Variants in MYO18B observed in about 807,000 individuals in gnomAD.
The protein encoded by MYO18B is unconventional myosin-XVIIIb.
MYO18B carries 204 observed loss-of-function variants against 273.0 expected under a neutral mutation model. That is an observed-to-expected ratio of 0.75 (90% CI 0.67 to 0.84). The LOEUF is 0.84. Ranked by LOEUF, MYO18B falls within the 40% of genes least tolerant of loss-of-function variation. The pLI is 0.00. For synonymous variants in MYO18B, 1,330 were observed against 1,305.7 expected, an observed-to-expected ratio of 1.02 and a Z score of -0.40; for missense variants, 3,212 against 3,287.6, an observed-to-expected ratio of 0.98 and a Z score of 0.56.
intron 42 of MYO18B, among the ~76,000 whole-genome samples, chr22:26,017,079 G>C (rs1279269658): frequency 1.2e-5 from 1 of 85,192 alleles, no homozygotes; most frequent in Non-Finnish European, 2.3e-5. Flanking sequence ...CTTCCTCTCT[G>C]TGCCTCTCCC....
In MYO18B at chr22:25,782,934, G is replaced by A. The variant is rs188146220; in HGVS notation, c.2312+1100G>A. ...GTACCACAGACTCGAGGACAAGGCTGTGTGGATTTGTATGTTGGCTTCTCC... is the reference window on the plus strand; with the variant it reads ...GTACCACAGACTCGAGGACAAGGCTATGTGGATTTGTATGTTGGCTTCTCC... On this transcript the variant is annotated intron_variant, in intron 10 of 43. Coordinates refer to ENST00000335473, the MANE Select transcript of MYO18B (RefSeq NM_032608.7). Among the ~76,000 whole-genome samples the A allele has an allele frequency of 7.9e-5, 12 of 152,366 alleles. No individual in the cohort carries two copies. The East Asian group carries it at 1.7e-3, about 22-fold the overall frequency.
chr22:26,052,834 G>A, the MYO18B span, among the ~76,000 whole-genome samples: 2 of 147,672 alleles, frequency 1.4e-5, no homozygotes, highest in Non-Finnish European at 3.0e-5. Context: ...ACGGAGTTTC[G>A]CTCTGTCGCT....
At chr22:25,830,045 T>C (rs1197772370) in intron 15 of MYO18B, among the ~76,000 whole-genome samples, 1 of 152,060 alleles carries the variant, frequency 6.6e-6, no homozygotes, top group Admixed American at 6.6e-5. Flanking sequence ...TTCCAATAAG[T>C]ACCACTGGCA....
intron 25 of MYO18B, among the ~76,000 whole-genome samples, chr22:25,890,308 G>C (rs1040322522): frequency 6.6e-6 from 1 of 152,164 alleles, no homozygotes; most frequent in Non-Finnish European, 1.5e-5. Context: ...CTGGTGCAGT[G>C]GGCATCCATC....
At chr22:26,000,283 G>A (rs532773505) in intron 40 of MYO18B, among the ~76,000 whole-genome samples, 11 of 152,314 alleles carry the variant, frequency 7.2e-5, no homozygotes, top group African/African-American at 2.6e-4. Flanking sequence ...GCTAACTCAT[G>A]TACAAAATTC....
intron 31 of MYO18B, among the ~76,000 whole-genome samples, chr22:25,904,613 A>T (rs1417745344): frequency 6.6e-6 from 1 of 152,252 alleles, no homozygotes; most frequent in African/African-American, 2.4e-5. Context: ...AGACAAAAAT[A>T]TCAAATACTC....
chr22:25,991,092 G>A (rs2093265512), intron 39 of MYO18B, among the ~76,000 whole-genome samples: 1 of 152,278 alleles, frequency 6.6e-6, no homozygotes, highest in South Asian at 2.1e-4. Context: ...TATTTCTAAT[G>A]TTGATGTCTG....
At chr22:25,780,822 G>A (rs377313496) in intron 9 of MYO18B, among the ~76,000 whole-genome samples, 120 of 152,082 alleles carry the variant, frequency 7.9e-4, no homozygotes, top group Middle Eastern at 6.8e-3. Flanking sequence ...GTCATTAGCC[G>A]GGTCTTAAAA....
At chr22:25,788,519 C>A (rs796773553) in intron 11 of MYO18B, among the ~76,000 whole-genome samples, 10 of 152,320 alleles carry the variant, frequency 6.6e-5, no homozygotes, top group African/African-American at 2.4e-4. Context: ...GGACCACAAG[C>A]TGGTCCTGGA....
Position 26,027,578 on chromosome 22 carries a change from G to A in MYO18B, c.7604G>A (p.Gly2535Asp). 6.2e-7 allele frequency: 1 copy of A among 1,613,994 alleles called. No individual in the cohort carries two copies. Among genetic ancestry groups the A allele is most frequent in the Non-Finnish European group, 8.5e-7 (1 of 1,179,896 alleles). ...CGACCAGGAATCCCACGACTTGCGGGTGACGGTGGCGAGCGAACGTCCCCC... is the reference window on the plus strand; with the variant it reads ...CGACCAGGAATCCCACGACTTGCGGATGACGGTGGCGAGCGAACGTCCCCC... ...KSRPGIPRLA[G>D]DGGERTSPER... Residue 2535 changes from glycine (G) to aspartate (D), a missense_variant, in exon 43 of 44, where the codon GGT (glycine) becomes GAT (aspartate). Coordinates refer to ENST00000335473, the MANE Select transcript of MYO18B (RefSeq NM_032608.7). The surrounding 1 kb of genome is among the most constrained non-coding windows in gnomAD (Gnocchi z 4.1).
At chr22:25,901,204 C>G (rs927976928) in intron 29 of MYO18B, 4 of 152,190 alleles carry the variant, frequency 2.6e-5, no homozygotes, top group Admixed American at 1.3e-4. Context: ...GAATGATAGT[C>G]TAGTATTAAG....
intron 22 of MYO18B, 62 bp downstream of exon 22, chr22:25,868,447 A>T (rs770285395): frequency 2.2e-6 from 3 of 1,355,982 alleles, no homozygotes; most frequent in Non-Finnish European, 3.1e-6. Flanking sequence ...AGATGACCTG[A>T]TTCTTGTCCT....
At chr22:25,764,579 C>T (rs978194788) in intron 3 of MYO18B, among the ~76,000 whole-genome samples, 7 of 152,142 alleles carry the variant, frequency 4.6e-5, no homozygotes, top group African/African-American at 7.2e-5. Context: ...GTCTGATGAA[C>T]GACTTTGATG....
intron 42 of MYO18B, among the ~76,000 whole-genome samples, chr22:26,008,342 G>T (rs1195582364): frequency 6.6e-6 from 1 of 152,176 alleles, no homozygotes; most frequent in Non-Finnish European, 1.5e-5. Context: ...TGTCCTTTCT[G>T]CTAGGAGACT....
intron 18 of MYO18B, among the ~76,000 whole-genome samples, chr22:25,845,819 G>C (rs1373796398): frequency 6.6e-6 from 1 of 152,244 alleles, no homozygotes; most frequent in Non-Finnish European, 1.5e-5. Context: ...TAAGTGACAA[G>C]AATATCCATA....
intron 34 of MYO18B, among the ~76,000 whole-genome samples, chr22:25,929,450 G>A (rs143671572): frequency 6.6e-6 from 1 of 152,216 alleles, no homozygotes; most frequent in Non-Finnish European, 1.5e-5. Context: ...TGAGATAATC[G>A]CTGTGCACAA....
chr22:26,027,236 G>A lies in MYO18B; in HGVS notation c.7262G>A (p.Ser2421Asn). The change falls in exon 43 of 44, where the codon AGT becomes AAT. Residue 2421 changes from serine (S) to asparagine (N), a missense_variant. Transcript: ENST00000335473. This position sits in a 1 kb window ranked among gnomAD's most constrained non-coding sequence, Gnocchi z 4.1. ...FAHLMEEPLG[S>N]DPFSWKLPSL... ...CACCTGATGGAGGAACCTCTAGGCA[G>A]TGACCCATTCAGCTGGAAACTCCCA... The A allele has an allele frequency of 6.2e-7, 1 of 1,613,990 alleles. No homozygotes were observed. The highest frequency in any genetic ancestry group is 8.5e-7 in the Non-Finnish European group (1 of 1,179,900).
intron 39 of MYO18B, among the ~76,000 whole-genome samples, chr22:25,987,423 T>G (rs562231023): frequency 1.4e-4 from 22 of 152,286 alleles, no homozygotes; most frequent in African/African-American, 5.3e-4. Flanking sequence ...AGTATGCATA[T>G]TATCTACATT....
chr22:26,008,969 A>G (rs1455586943), intron 42 of MYO18B, among the ~76,000 whole-genome samples: 1 of 151,966 alleles, frequency 6.6e-6, no homozygotes, highest in Non-Finnish European at 1.5e-5. Context: ...AGCCATGGTC[A>G]CTCACCCTGT....
Sources: allele counts gnomAD v4.1 joint callset (sites outside exome capture counted in the v4.1 genomes callset), GRCh38; gene constraint gnomAD v4.1.1; non-coding constraint Gnocchi (gnomAD v3.1); transcripts MANE v1.5; gene names NCBI Gene and HGNC (gene_info 2026-07-23, HGNC 2026-07-21).